PRKN: variants seen among roughly 807,000 people sequenced by gnomAD.
PRKN encodes E3 ubiquitin-protein ligase parkin.
A neutral mutation model predicts 59.5 loss-of-function variants in PRKN; 56 were observed. The ratio of observed to expected loss-of-function variants is 0.94; its 90% CI spans 0.76 to 1.18. The LOEUF is 1.18. Among genes scored for constraint, PRKN ranks in the 50% most tolerant of loss-of-function variants. The pLI is 0.00. For synonymous variants in PRKN, 250 were observed against 222.1 expected (o/e 1.13, Z -1.12); for missense variants, 657 against 596.4 (o/e 1.10, Z -1.06).
chr6:161,767,632 G>C (rs900956037), intron 7 of PRKN, among the ~76,000 whole-genome samples: 4 of 152,196 alleles, frequency 2.6e-5, no homozygotes, highest in Non-Finnish European at 5.9e-5. Flanking sequence ...CAGGAAATTT[G>C]CTTAGAAATT....
At chr6:162,602,154 G>C (rs1442888198) in intron 1 of PRKN, among the ~76,000 whole-genome samples, 1 of 152,194 alleles carries the variant, frequency 6.6e-6, no homozygotes, top group Non-Finnish European at 1.5e-5. Context: ...CCTCCGCGTA[G>C]TCCCAAAGAG....
At chr6:162,489,075 C>T (rs1277585903) in intron 1 of PRKN, among the ~76,000 whole-genome samples, 1 of 126,126 alleles carries the variant, frequency 7.9e-6, no homozygotes, top group African/African-American at 3.4e-5. Context: ...AGAAGGAGCT[C>T]ACCCTTCCTT....
At chr6:162,220,028 C>A (rs2128080100) in intron 3 of PRKN, among the ~76,000 whole-genome samples, 1 of 152,058 alleles carries the variant, frequency 6.6e-6, no homozygotes, top group Non-Finnish European at 1.5e-5. Flanking sequence ...GAAAAGACTC[C>A]CTATTCAATA....
intron 4 of PRKN, among the ~76,000 whole-genome samples, chr6:162,183,419 C>T (rs1240384652): frequency 6.6e-6 from 1 of 152,068 alleles, no homozygotes; most frequent in Non-Finnish European, 1.5e-5. Flanking sequence ...CCTTGCTGAC[C>T]CACTCTGAGG....
rs1347772824 is a variant in PRKN, at chr6:161,548,288, A to G, written c.1083+566T>C. Reference sequence around the variant, plus strand: ...TCATTTGAAAAGCCGGCCAGGTCACATGGTTTGACCTCTTAGAACAAACAT... The same window carrying G: ...TCATTTGAAAAGCCGGCCAGGTCACGTGGTTTGACCTCTTAGAACAAACAT... On this transcript the variant is annotated intron_variant, in intron 9 of 11. Coordinates refer to ENST00000366898, the MANE Select transcript of PRKN (RefSeq NM_004562.3). This position sits in a 1 kb window ranked among gnomAD's most constrained non-coding sequence, Gnocchi z 4.2. 1.3e-5 allele frequency among the ~76,000 whole-genome samples: 2 copies of G among 152,198 alleles called. No individual in the cohort carries two copies. The highest frequency in any genetic ancestry group is 2.9e-5 in the Non-Finnish European group (2 of 68,040).
chr6:162,044,826 T>A (rs1007776622), intron 5 of PRKN, among the ~76,000 whole-genome samples: 2 of 152,232 alleles, frequency 1.3e-5, no homozygotes, highest in Non-Finnish European at 2.9e-5. Context: ...ATCACCTTTG[T>A]GTTTTCTGAA....
intron 4 of PRKN, among the ~76,000 whole-genome samples, chr6:162,105,321 T>A (rs935429938): frequency 2.6e-5 from 4 of 151,934 alleles, no homozygotes; most frequent in Non-Finnish European, 2.9e-5. Flanking sequence ...CCAAACCACA[T>A]CAAAATAAAG....
chr6:162,532,933 T>A (rs1031492974), intron 1 of PRKN, among the ~76,000 whole-genome samples: 10 of 152,208 alleles, frequency 6.6e-5, no homozygotes, highest in African/African-American at 2.4e-4. Flanking sequence ...TAAGTCGCCT[T>A]TAATAAAGCA....
At chr6:162,170,127 A>T (rs1427277429) in intron 4 of PRKN, among the ~76,000 whole-genome samples, 1 of 152,164 alleles carries the variant, frequency 6.6e-6, no homozygotes, top group Non-Finnish European at 1.5e-5. Context: ...AATCTACCAG[A>T]TATTTTGTTT....
chr6:161,784,389 C>T lies in PRKN; in HGVS notation c.871+1383G>A, dbSNP rs76805376. Among the ~76,000 whole-genome samples, 923 of 152,276 alleles carry T rather than the reference C, an allele frequency of 6.1e-3. 16 individuals are homozygous for T. Among genetic ancestry groups the T allele is most frequent in the African/African-American group, 0.021 (878 of 41,564 alleles). ...AGAATGGGAGAAATATGTGCATATC[C>T]TATATCTGGTAAGGATCCAGTATCC... On this transcript the variant is annotated intron_variant, in intron 7 of 11. Transcript: ENST00000366898.
chr6:161,874,097 T>TATATATTATATGTAAAATATAATATATA (rs1794486446), intron 6 of PRKN, among the ~76,000 whole-genome samples: 1 of 64,008 alleles, frequency 1.6e-5, no homozygotes, highest in Non-Finnish European at 2.5e-5. Context: ...TAATATATAA[T>TATATATTATATGTAAAATATAATATATA]ATATATTATA....
chr6:162,476,777 T>C (rs1005315937), intron 1 of PRKN, among the ~76,000 whole-genome samples: 1 of 152,148 alleles, frequency 6.6e-6, no homozygotes, highest in African/African-American at 2.4e-5. Flanking sequence ...TGGAGGTGCA[T>C]GCCAGGTGCT....
intron 1 of PRKN, among the ~76,000 whole-genome samples, chr6:162,458,270 A>AAG (rs1261999177): frequency 7.1e-6 from 1 of 141,286 alleles, no homozygotes; most frequent in East Asian, 2.0e-4. Context: ...AAAAAAAAAA[A>AAG]AAAAAATTAC....
chr6:161,944,059 C>T (rs978049801), intron 6 of PRKN, among the ~76,000 whole-genome samples: 4 of 142,742 alleles, frequency 2.8e-5, no homozygotes, highest in African/African-American at 5.0e-5. Context: ...CCTGAGGGAT[C>T]AGCCTGAGGG....
chr6:161,813,141 T>C (rs1791628118), intron 6 of PRKN, among the ~76,000 whole-genome samples: 1 of 152,312 alleles, frequency 6.6e-6, no homozygotes, highest in South Asian at 2.1e-4. Context: ...TTAACCTCCT[T>C]GGATGGATTC....
chr6:162,021,101 T>TA (rs372825627), intron 5 of PRKN, among the ~76,000 whole-genome samples: 4 of 11,220 alleles, frequency 3.6e-4, no homozygotes, highest in African/African-American at 2.9e-3. Flanking sequence ...AGACTCTGTC[T>TA]CAAAAAAAAA....
intron 4 of PRKN, among the ~76,000 whole-genome samples, chr6:162,111,970 C>G (rs894711779): frequency 6.6e-6 from 1 of 152,192 alleles, no homozygotes; most frequent in Non-Finnish European, 1.5e-5. Context: ...AAATGCGCTA[C>G]TGAAGTCATC....
chr6:162,366,425 A>C (rs1030250656), intron 2 of PRKN, among the ~76,000 whole-genome samples: 3 of 152,140 alleles, frequency 2.0e-5, no homozygotes, highest in African/African-American at 7.2e-5. Context: ...AAATGTATTA[A>C]TTGTCTTTTG....
chr6:162,437,177 T>G (rs1389134644), intron 2 of PRKN, among the ~76,000 whole-genome samples: 1 of 152,236 alleles, frequency 6.6e-6, no homozygotes, highest in Non-Finnish European at 1.5e-5. Context: ...GTACTCTTAG[T>G]ATGAACAAGT....
Sources: allele counts gnomAD v4.1 joint callset (sites outside exome capture counted in the v4.1 genomes callset), GRCh38; gene constraint gnomAD v4.1.1; non-coding constraint Gnocchi (gnomAD v3.1); transcripts MANE v1.5; gene names NCBI Gene and HGNC (gene_info 2026-07-23, HGNC 2026-07-21).